The following THSD4 variants were observed in gnomAD, a reference collection of about 807,000 sequenced individuals.
THSD4 encodes thrombospondin type 1 domain containing 4.
Under a neutral mutation model 119.0 loss-of-function variants are expected in THSD4, and 69 were observed. The observed-to-expected ratio is 0.58, with a 90% confidence interval of 0.48 to 0.71. THSD4 has a LOEUF of 0.71. Among genes scored for constraint, THSD4 ranks in the 30% least tolerant of loss-of-function variants. The pLI, the probability that THSD4 is intolerant of heterozygous loss-of-function variation, is 0.00. For missense variants in THSD4, 1,393 were observed against 1,391.1 expected (o/e 1.00, Z -0.02); for synonymous variants, 524 against 540.4 (o/e 0.97, Z 0.42).
In THSD4 at chr15:71,553,465, A is replaced by T. The variant is rs1328857784; in HGVS notation, c.1153-107065A>T. Among the ~76,000 whole-genome samples, 9 of 151,816 alleles carry T rather than the reference A, an allele frequency of 5.9e-5. No individual in the cohort carries two copies. The East Asian group carries it at 7.7e-4, about 13-fold the overall frequency. ...CTCAGCCTCCTGAGTAGCTGGAATT[A>T]CAGGTTTTGTGCCACCACACCCAGT... is the stretch of plus-strand genomic sequence containing the variant. On this transcript the variant is annotated intron_variant, in intron 7 of 17. Coordinates refer to ENST00000261862, the MANE Select transcript of THSD4 (RefSeq NM_024817.3).
intron 6 of THSD4, among the ~76,000 whole-genome samples, chr15:71,324,350 T>C (rs1425917197): frequency 2.0e-5 from 3 of 152,222 alleles, no homozygotes; most frequent in African/African-American, 7.2e-5. Context: ...AAGTAGTTTT[T>C]GGTTACACAG....
At chr15:71,602,572 AAAAAAAAAT>A (rs1479987831) in intron 7 of THSD4, among the ~76,000 whole-genome samples, 13 of 147,572 alleles carry the variant, frequency 8.8e-5, no homozygotes, top group South Asian at 2.1e-4. Context: ...AAAAAAAAAA[AAAAAAAAAT>A]GAAAAAGAAA....
At chr15:71,229,956 T>A (rs2044047237) in intron 4 of THSD4, among the ~76,000 whole-genome samples, 2 of 152,204 alleles carry the variant, frequency 1.3e-5, no homozygotes, top group South Asian at 4.1e-4. Context: ...GAAATACCAT[T>A]GCTTCCTCTA....
rs577910753 is a variant in THSD4, at chr15:71,503,879, T to G, written c.1152+92056T>G. Among the ~76,000 whole-genome samples, 273 of 152,322 alleles carry G rather than the reference T, an allele frequency of 1.8e-3. 1 individual carries two copies. The highest frequency in any genetic ancestry group is 6.3e-3 in the African/African-American group (262 of 41,578). ...CAATCCTCCTAACTTTTTCAAAAGA[T>G]GAAAATCATACACAAAACAGGAAAA... On this transcript the variant is annotated intron_variant, in intron 7 of 17. Transcript: ENST00000261862.
chr15:71,529,958 A>C (rs4357892), intron 7 of THSD4, among the ~76,000 whole-genome samples: 120,335 of 152,126 alleles, frequency 0.79, 47,814 homozygotes, highest in East Asian at 0.95. Flanking sequence ...GAATTATCAC[A>C]TTGGAGACTT....
At chr15:71,097,625 A>G (rs2040236360) in intron 1 of THSD4, among the ~76,000 whole-genome samples, 1 of 150,978 alleles carries the variant, frequency 6.6e-6, no homozygotes, top group Non-Finnish European at 1.5e-5. Context: ...ATTGAGGGGG[A>G]AAAAAGAGAC....
intron 7 of THSD4, among the ~76,000 whole-genome samples, chr15:71,500,034 T>G (rs1160253793): frequency 6.6e-6 from 1 of 152,180 alleles, no homozygotes; most frequent in Non-Finnish European, 1.5e-5. Flanking sequence ...ATAATTCAAT[T>G]TTTAATTTTT....
intron 7 of THSD4, among the ~76,000 whole-genome samples, chr15:71,475,416 A>G (rs1045770789): frequency 1.3e-5 from 2 of 152,202 alleles, no homozygotes; most frequent in Non-Finnish European, 2.9e-5. Flanking sequence ...TACCTCTTCA[A>G]TGACTATTGA....
At chr15:71,505,605 T>G (rs2048174219) in intron 7 of THSD4, among the ~76,000 whole-genome samples, 1 of 152,206 alleles carries the variant, frequency 6.6e-6, no homozygotes, top group Non-Finnish European at 1.5e-5. Context: ...GTTTCCAACT[T>G]TAAAATAAAA....
At chr15:71,697,053 T>A (rs1056439629) in intron 8 of THSD4, among the ~76,000 whole-genome samples, 2 of 151,690 alleles carry the variant, frequency 1.3e-5, no homozygotes, top group African/African-American at 4.8e-5. Context: ...AAGGAGGGAG[T>A]GCCCTTTGGC....
At chr15:71,435,719 C>T (rs576245282) in intron 7 of THSD4, among the ~76,000 whole-genome samples, 1 of 152,264 alleles carries the variant, frequency 6.6e-6, no homozygotes, top group South Asian at 2.1e-4. Flanking sequence ...AGCTGGTCTC[C>T]CTATGAGCAC....
chr15:71,203,747 A>G lies in THSD4; in HGVS notation c.100-11288A>G, dbSNP rs1003136487. 5.3e-5 allele frequency among the ~76,000 whole-genome samples: 8 copies of G among 152,092 alleles called. No homozygotes were observed. In the South Asian group the frequency reaches 8.3e-4, roughly 16 times the overall value. ...GGAATCCAGGTAAGGTCAAATCTCA[A>G]TCCATTTGCAGCCTCTTTCACTCAG... On this transcript the variant is annotated intron_variant, in intron 3 of 17. Transcript: ENST00000261862.
intron 7 of THSD4, among the ~76,000 whole-genome samples, chr15:71,616,752 T>C (rs2140920059): frequency 6.6e-6 from 1 of 152,352 alleles, no homozygotes; most frequent in South Asian, 2.1e-4. Flanking sequence ...AAGCTGTAGA[T>C]GAGATTCCTG....
At chr15:71,697,761 G>C (rs2052194777) in intron 8 of THSD4, among the ~76,000 whole-genome samples, 2 of 152,214 alleles carry the variant, frequency 1.3e-5, no homozygotes, top group South Asian at 4.1e-4. Context: ...TTTGAGTTAA[G>C]TATTTTGCAG....
At chr15:71,132,130 A>C (rs966863936) in intron 1 of THSD4, among the ~76,000 whole-genome samples, 3 of 152,214 alleles carry the variant, frequency 2.0e-5, no homozygotes, top group Non-Finnish European at 4.4e-5. Context: ...CATCCACTAC[A>C]TGTGAGATTC....
At chr15:71,475,537 T>C (rs1417931833) in intron 7 of THSD4, among the ~76,000 whole-genome samples, 1 of 152,212 alleles carries the variant, frequency 6.6e-6, no homozygotes, top group African/African-American at 2.4e-5. Context: ...GGATAGAGCC[T>C]GAGAGTCTGC....
chr15:71,576,370 A>G (rs1219476075), intron 7 of THSD4, among the ~76,000 whole-genome samples: 2 of 152,158 alleles, frequency 1.3e-5, no homozygotes, highest in Non-Finnish European at 2.9e-5. Flanking sequence ...GTTTAGGAAA[A>G]CAGTTTAAGG....
At chr15:71,775,338 G>A (rs2053894269) in intron 17 of THSD4, among the ~76,000 whole-genome samples, 1 of 152,176 alleles carries the variant, frequency 6.6e-6, no homozygotes, top group African/African-American at 2.4e-5. Flanking sequence ...TATATTGTCA[G>A]TTCTTTCCCA....
intron 3 of THSD4, among the ~76,000 whole-genome samples, chr15:71,199,894 TGTGTGTGTGGTGCATGTGTGGG>T (rs2043783504): frequency 2.4e-5 from 1 of 41,078 alleles, no homozygotes; most frequent in East Asian, 5.3e-4. Context: ...ATGTGTGGTA[TGTGTGTGTGGTGCATGTGTGGG>T]GTGTGTGTGT....
Sources: gnomAD v4.1 joint callset for allele counts (sites outside exome capture counted in the v4.1 genomes callset) on GRCh38, gnomAD v4.1.1 for gene constraint, MANE v1.5 for transcripts, NCBI Gene and HGNC (gene_info 2026-07-23, HGNC 2026-07-21) for gene names.